The following COL21A1 variants were observed in gnomAD, a reference collection of about 807,000 sequenced individuals.
COL21A1 encodes collagen alpha-1(XXI) chain.
In COL21A1, 149 loss-of-function variants were observed where a neutral mutation model predicts 137.9. The ratio of observed to expected loss-of-function variants is 1.08; its 90% CI spans 0.95 to 1.24. COL21A1 has a LOEUF of 1.24. Ranked by LOEUF, COL21A1 falls within the 50% of genes most tolerant of loss-of-function variation. The probability of loss-of-function intolerance (pLI) is 0.00; values close to 1 mark genes in which losing one functional copy is unlikely to be tolerated. For missense variants in COL21A1, 1,167 were observed against 1,158.4 expected, an observed-to-expected ratio of 1.01 and a Z score of -0.11; for synonymous variants, 456 against 391.5, an observed-to-expected ratio of 1.16 and a Z score of -1.95.
At chr6:56,188,283 C>A (rs1193522706) in intron 1 of COL21A1, among the ~76,000 whole-genome samples, 1 of 152,116 alleles carries the variant, frequency 6.6e-6, no homozygotes, top group African/African-American at 2.4e-5. Flanking sequence ...AGATATGTAA[C>A]CTAGAGAAAT....
At chr6:56,154,743 G>C (rs1775608071) in intron 10 of COL21A1, among the ~76,000 whole-genome samples, 1 of 151,990 alleles carries the variant, frequency 6.6e-6, no homozygotes, top group African/African-American at 2.4e-5. Flanking sequence ...CTTTCTCAAA[G>C]TCCCTAAGTA....
intron 1 of COL21A1, among the ~76,000 whole-genome samples, chr6:56,284,499 T>C (rs2152334502): frequency 6.6e-6 from 1 of 152,326 alleles, no homozygotes; most frequent in Middle Eastern, 3.4e-3. Flanking sequence ...TGTGAGTCTA[T>C]CCCAGCAGTG....
chr6:56,197,018 G>A (rs1431062990), intron 1 of COL21A1, among the ~76,000 whole-genome samples: 1 of 151,910 alleles, frequency 6.6e-6, no homozygotes, highest in Non-Finnish European at 1.5e-5. Context: ...ATATGGCACT[G>A]GCATAAAAAC....
At chr6:56,194,515 T>C (rs893084559) in intron 1 of COL21A1, among the ~76,000 whole-genome samples, 1 of 152,156 alleles carries the variant, frequency 6.6e-6, no homozygotes, top group Admixed American at 6.5e-5. Flanking sequence ...TCTCCTCATA[T>C]GCTAACATGC....
At chr6:56,261,648 G>C (rs1179417085) in intron 1 of COL21A1, among the ~76,000 whole-genome samples, 1 of 152,176 alleles carries the variant, frequency 6.6e-6, no homozygotes, top group African/African-American at 2.4e-5. Flanking sequence ...TTGTATTTAA[G>C]GTGCCCAGTC....
At chr6:56,331,948 A>C (rs1310541949) in intron 1 of COL21A1, 2 of 152,108 alleles carry the variant, frequency 1.3e-5, no homozygotes, top group African/African-American at 4.8e-5. Flanking sequence ...AACTATTTAC[A>C]GATAAAAACA....
chr6:56,238,879 C>G (rs1311809909), intron 1 of COL21A1, among the ~76,000 whole-genome samples: 1 of 152,164 alleles, frequency 6.6e-6, no homozygotes, highest in African/African-American at 2.4e-5. Flanking sequence ...CTAATTTGAA[C>G]TAATCTGAAT....
At chr6:56,272,014 G>A (rs940554686) in intron 1 of COL21A1, among the ~76,000 whole-genome samples, 9 of 152,198 alleles carry the variant, frequency 5.9e-5, no homozygotes, top group Non-Finnish European at 1.2e-4. Context: ...ACCTCTACTA[G>A]GGCAGTGCAG....
chr6:56,205,903 A>T (rs1779746889), intron 1 of COL21A1, among the ~76,000 whole-genome samples: 1 of 152,260 alleles, frequency 6.6e-6, no homozygotes. Context: ...AGTGAAAGAG[A>T]AATAAAATCC....
chr6:56,098,638 A>G (rs867717570), intron 17 of COL21A1, among the ~76,000 whole-genome samples: 1 of 15,178 alleles, frequency 6.6e-5, no homozygotes, highest in African/African-American at 4.0e-4. Context: ...TATATATATA[A>G]ATATATATAA....
intron 17 of COL21A1, among the ~76,000 whole-genome samples, chr6:56,093,046 C>G (rs1012643037): frequency 7.9e-5 from 12 of 152,124 alleles, no homozygotes; most frequent in African/African-American, 2.4e-4. Context: ...CTGCCTCTCT[C>G]TTACAAGGAC....
At chr6:56,344,401 A>T (rs188814403) in intron 1 of COL21A1, among the ~76,000 whole-genome samples, 4 of 152,368 alleles carry the variant, frequency 2.6e-5, no homozygotes, top group African/African-American at 9.6e-5. Context: ...TAAATATCAT[A>T]AAAAATTCCA....
intron 3 of COL21A1, among the ~76,000 whole-genome samples, chr6:56,176,547 T>G (rs538031567): frequency 6.9e-6 from 1 of 145,984 alleles, no homozygotes; most frequent in Admixed American, 7.0e-5. Context: ...GAAATGCAAA[T>G]CAATACTACA....
chr6:56,388,326 C>A (rs1054905537), intron 1 of COL21A1, among the ~76,000 whole-genome samples: 1 of 152,176 alleles, frequency 6.6e-6, no homozygotes, highest in African/African-American at 2.4e-5. Context: ...TCAGGTGTAA[C>A]CCAGCACAGT....
chr6:56,109,177 A>T (rs1349765067), intron 16 of COL21A1, among the ~76,000 whole-genome samples: 1 of 151,768 alleles, frequency 6.6e-6, no homozygotes, highest in Non-Finnish European at 1.5e-5. Context: ...AAATGTAGGA[A>T]AAAAGAATAA....
intron 12 of COL21A1, among the ~76,000 whole-genome samples, chr6:56,129,980 T>A (rs1018978343): frequency 6.6e-6 from 1 of 151,434 alleles, no homozygotes; most frequent in Non-Finnish European, 1.5e-5. Flanking sequence ...TTTGTGTGTG[T>A]CATTCAGAAA....
intron 1 of COL21A1, among the ~76,000 whole-genome samples, chr6:56,341,785 G>A (rs1765473875): frequency 6.6e-6 from 1 of 152,180 alleles, no homozygotes; most frequent in Non-Finnish European, 1.5e-5. Context: ...CTCTGGTGCA[G>A]GCAGTTGATA....
intron 1 of COL21A1, among the ~76,000 whole-genome samples, chr6:56,276,090 C>G (rs952741992): frequency 6.6e-6 from 1 of 152,056 alleles, no homozygotes; most frequent in Non-Finnish European, 1.5e-5. Context: ...CAGCTAGAGA[C>G]CAAAATCAGA....
At chr6:56,253,170 T>C (rs990710719) in intron 1 of COL21A1, among the ~76,000 whole-genome samples, 5 of 152,166 alleles carry the variant, frequency 3.3e-5, no homozygotes, top group African/African-American at 7.2e-5. Context: ...CTGAAAATAA[T>C]TGGGAAATAT....
Sources: allele counts gnomAD v4.1 joint callset (sites outside exome capture counted in the v4.1 genomes callset), GRCh38; gene constraint gnomAD v4.1.1; transcripts MANE v1.5; gene names NCBI Gene and HGNC (gene_info 2026-07-23, HGNC 2026-07-21).